The following GNG7 variants were observed in gnomAD, a reference collection of about 807,000 sequenced individuals.
GNG7 encodes the protein guanine nucleotide-binding protein G(I)/G(S)/G(O) subunit gamma-7.
Under a neutral mutation model 4.0 loss-of-function variants are expected in GNG7, and 1 was observed. That is an observed-to-expected ratio of 0.25 (90% CI 0.09 to 1.18). The LOEUF (loss-of-function observed/expected upper bound fraction) is 1.18. Among genes scored for constraint, GNG7 ranks in the 50% most tolerant of loss-of-function variants. The pLI is 0.50. For missense variants in GNG7, 86 were observed against 91.9 expected, an observed-to-expected ratio of 0.94 and a Z score of 0.26; for synonymous variants, 34 against 36.9, an observed-to-expected ratio of 0.92 and a Z score of 0.29.
chr19:2,593,936 A>AAAAC (rs1980928169), intron 2 of GNG7, among the ~76,000 whole-genome samples: 1 of 151,804 alleles, frequency 6.6e-6, no homozygotes, highest in African/African-American at 2.4e-5. Flanking sequence ...GCCAAAAAAA[A>AAAAC]AAAAAAACTT....
intron 1 of GNG7, among the ~76,000 whole-genome samples, chr19:2,680,200 T>G (rs868101634): frequency 6.9e-6 from 1 of 144,624 alleles, no homozygotes; most frequent in Non-Finnish European, 1.5e-5. Context: ...CAGGCTGGAG[T>G]GCAGTTGTGC....
Position 2,659,205 on chromosome 19 carries a change from G to A in GNG7, c.-134-12925C>T, listed in dbSNP as rs531744702. On this transcript the variant is annotated intron_variant, in intron 1 of 4. Coordinates refer to ENST00000382159, the MANE Select transcript of GNG7 (RefSeq NM_052847.3). ...AGGATGGTCTCAATCTCCTGACCTCGTGATCCGCCCACCTTGGCCTCCCAA... is the reference window on the plus strand; with the variant it reads ...AGGATGGTCTCAATCTCCTGACCTCATGATCCGCCCACCTTGGCCTCCCAA... 4.8e-4 allele frequency among the ~76,000 whole-genome samples: 73 copies of A among 151,870 alleles called. No homozygotes were observed. The South Asian group carries it at 0.011, about 23-fold the overall frequency.
intron 2 of GNG7, among the ~76,000 whole-genome samples, chr19:2,591,599 A>G (rs4807302): frequency 0.15 from 22,451 of 151,920 alleles, 3,571 homozygotes; most frequent in East Asian, 0.36. Context: ...CTCCAGCCCA[A>G]AGGAAGCTCT....
intron 1 of GNG7, among the ~76,000 whole-genome samples, chr19:2,661,328 G>GAA (rs1337034739): frequency 2.8e-5 from 4 of 143,002 alleles, no homozygotes; most frequent in South Asian, 2.3e-4. Flanking sequence ...AAGAAAGAAA[G>GAA]AAAGAAAGAA....
At chr19:2,591,017 G>A (rs976025937) in intron 2 of GNG7, among the ~76,000 whole-genome samples, 4 of 152,138 alleles carry the variant, frequency 2.6e-5, no homozygotes, top group Non-Finnish European at 5.9e-5. Context: ...AAATCCTGGT[G>A]CAATAAATAT....
rs1175526574 is a variant in GNG7, at chr19:2,542,107, C to CTTTTTTTTTT, written c.-38+13032_-38+13041dup. On this transcript the variant is annotated intron_variant, in intron 3 of 4. Transcript: ENST00000382159. Reference sequence around the variant, plus strand: ...CTCATGGGAGGCAGCGCTGTGTGTTCTTTTTTTTTTTTTTTTTTTTTTTTT... The same window carrying CTTTTTTTTTT: ...CTCATGGGAGGCAGCGCTGTGTGTTCTTTTTTTTTTTTTTTTTTTTTTTTTTTTTTTTTTT... 1.5e-4 allele frequency among the ~76,000 whole-genome samples: 10 copies of CTTTTTTTTTT among 64,568 alleles called. 1 individual carries two copies. The highest frequency in any genetic ancestry group is 2.5e-4 in the Non-Finnish European group (9 of 36,164). The allele number at this position is 64,568 out of a possible 152,430, so 42.4% of individuals were successfully genotyped here.
chr19:2,523,887 C>A (rs1978323931), intron 3 of GNG7, among the ~76,000 whole-genome samples: 2 of 152,160 alleles, frequency 1.3e-5, no homozygotes, highest in East Asian at 1.9e-4. Context: ...AGACGTCCCA[C>A]CCCCACTTTT....
At chr19:2,654,486 T>C (rs983340561) in intron 1 of GNG7, among the ~76,000 whole-genome samples, 4 of 151,170 alleles carry the variant, frequency 2.6e-5, no homozygotes, top group African/African-American at 9.7e-5. Flanking sequence ...TCCCCAGACA[T>C]TGCCTGATGT....
At chr19:2,601,533 G>A (rs1409690240) in intron 2 of GNG7, among the ~76,000 whole-genome samples, 1 of 152,114 alleles carries the variant, frequency 6.6e-6, no homozygotes, top group Non-Finnish European at 1.5e-5. Context: ...TGTCTCCACT[G>A]TTTGGCAGCA....
chr19:2,603,932 G>A (rs1265879140), intron 2 of GNG7, among the ~76,000 whole-genome samples: 1 of 151,492 alleles, frequency 6.6e-6, no homozygotes, highest in Non-Finnish European at 1.5e-5. Context: ...CTCACTGCAA[G>A]CTCTGCCTCC....
At chr19:2,623,441 G>T (rs963824147) in intron 2 of GNG7, among the ~76,000 whole-genome samples, 3 of 152,166 alleles carry the variant, frequency 2.0e-5, no homozygotes, top group Non-Finnish European at 2.9e-5. Context: ...CAATCCAAGC[G>T]TCCATCAACA....
chr19:2,562,659 CCAGA>C (rs928840699), intron 2 of GNG7, among the ~76,000 whole-genome samples: 4 of 152,062 alleles, frequency 2.6e-5, no homozygotes, highest in Admixed American at 6.6e-5. Context: ...GCAGGTGCCC[CCAGA>C]CATTTACTGA....
At chr19:2,521,534 G>A (rs1446244707) in intron 3 of GNG7, among the ~76,000 whole-genome samples, 3 of 151,128 alleles carry the variant, frequency 2.0e-5, no homozygotes, top group Admixed American at 2.0e-4. Flanking sequence ...ATCCGAACGC[G>A]ATATCCATAG....
intron 3 of GNG7, among the ~76,000 whole-genome samples, chr19:2,530,822 C>T (rs191234873): frequency 2.6e-4 from 40 of 152,198 alleles, no homozygotes; most frequent in Middle Eastern, 3.4e-3. Context: ...AGGGGAGGAT[C>T]GAAAGAGAGC....
intron 2 of GNG7, among the ~76,000 whole-genome samples, chr19:2,564,482 G>A (rs565327833): frequency 1.3e-5 from 2 of 152,268 alleles, no homozygotes; most frequent in Admixed American, 6.5e-5. Context: ...GCGGAGGCAC[G>A]AGAATTGCTT....
chr19:2,587,616 C>T (rs62123676), intron 2 of GNG7, among the ~76,000 whole-genome samples: 10,936 of 152,112 alleles, frequency 0.072, 478 homozygotes, highest in East Asian at 0.16. Flanking sequence ...CAGGCCTGGG[C>T]TGCTGAGTCA....
In GNG7 at chr19:2,546,744, C is replaced by T. The variant is rs527270432; in HGVS notation, c.-38+8405G>A. Among the ~76,000 whole-genome samples, 17 of 152,238 alleles carry T rather than the reference C, an allele frequency of 1.1e-4. No individual in the cohort carries two copies. The highest frequency in any genetic ancestry group is 8.3e-4 in the South Asian group (4 of 4,822). On this transcript the variant is annotated intron_variant, in intron 3 of 4. Coordinates refer to ENST00000382159, the MANE Select transcript of GNG7 (RefSeq NM_052847.3). This position sits in a 1 kb window ranked among gnomAD's most constrained non-coding sequence, Gnocchi z 6.3. ...GCCGCCAGTGTGGGTTTGGTCGCCG[C>T]GGTGACGGGAGCAGGAGAAAAGAAA...
At chr19:2,644,327 T>TATATATA (rs1982600107) in intron 2 of GNG7, among the ~76,000 whole-genome samples, 1 of 114,432 alleles carries the variant, frequency 8.7e-6, no homozygotes, top group Non-Finnish European at 1.8e-5. Flanking sequence ...GGCCTACACT[T>TATATATA]TATATATATA....
chr19:2,645,608 C>T (rs1169896924), intron 2 of GNG7, among the ~76,000 whole-genome samples: 1 of 152,112 alleles, frequency 6.6e-6, no homozygotes, highest in Non-Finnish European at 1.5e-5. Flanking sequence ...TGCGGTCACC[C>T]CGACCCGACC....
Sources: allele counts gnomAD v4.1 joint callset (sites outside exome capture counted in the v4.1 genomes callset), GRCh38; gene constraint gnomAD v4.1.1; non-coding constraint Gnocchi (gnomAD v3.1); transcripts MANE v1.5; gene names NCBI Gene and HGNC (gene_info 2026-07-23, HGNC 2026-07-21).